SDK1: variants seen among roughly 807,000 people sequenced by gnomAD.
SDK1 encodes protein sidekick-1.
A neutral mutation model predicts 245.5 loss-of-function variants in SDK1; 157 were observed. That is an observed-to-expected ratio of 0.64 (90% CI 0.56 to 0.73). SDK1 has a LOEUF of 0.73. Among genes scored for constraint, SDK1 ranks in the 30% least tolerant of loss-of-function variants. The probability of loss-of-function intolerance (pLI) is 0.00; values close to 1 mark genes in which losing one functional copy is unlikely to be tolerated. For missense variants in SDK1, 3,583 were observed against 3,002.3 expected, an observed-to-expected ratio of 1.19 and a Z score of -4.52; for synonymous variants, 1,647 against 1,278.5, an observed-to-expected ratio of 1.29 and a Z score of -6.15.
intron 5 of SDK1, among the ~76,000 whole-genome samples, chr7:3,847,255 A>G (rs1022808855): frequency 6.6e-6 from 1 of 152,074 alleles, no homozygotes; most frequent in African/African-American, 2.4e-5. Flanking sequence ...CATCGACTTC[A>G]TCAAGTTCAT....
intron 28 of SDK1, among the ~76,000 whole-genome samples, chr7:4,133,428 G>A (rs942507783): frequency 1.3e-5 from 2 of 152,194 alleles, no homozygotes; most frequent in Non-Finnish European, 2.9e-5. Flanking sequence ...CCACAGTCCC[G>A]TAAGGGAGAC....
chr7:3,761,446 C>G (rs779079578), intron 4 of SDK1, among the ~76,000 whole-genome samples: 1 of 150,944 alleles, frequency 6.6e-6, no homozygotes, highest in Non-Finnish European at 1.5e-5. Context: ...CCCAGTTACT[C>G]GGAAGGCTGA....
intron 17 of SDK1, among the ~76,000 whole-genome samples, chr7:4,024,376 G>C (rs935616443): frequency 4.2e-4 from 57 of 135,292 alleles, no homozygotes; most frequent in Non-Finnish European, 4.6e-4. Flanking sequence ...TGTTTCTCAA[G>C]CCCTACAAGA....
At chr7:4,203,946 G>A (rs17134554) in intron 35 of SDK1, among the ~76,000 whole-genome samples, 49,441 of 152,168 alleles carry the variant, frequency 0.32, 8,788 homozygotes, top group African/African-American at 0.47. Context: ...TGCCCAGCTC[G>A]TCTCCACCCC....
At chr7:3,723,831 C>G (rs1778908755) in intron 4 of SDK1, among the ~76,000 whole-genome samples, 1 of 147,032 alleles carries the variant, frequency 6.8e-6, no homozygotes, top group Admixed American at 6.7e-5. Context: ...TATACATATA[C>G]ACGTGTATAT....
At chr7:3,371,079 C>G (rs1220765246) in intron 1 of SDK1, among the ~76,000 whole-genome samples, 2 of 152,100 alleles carry the variant, frequency 1.3e-5, no homozygotes, top group Non-Finnish European at 2.9e-5. Context: ...ACATATGATA[C>G]ATGTGACAGT....
intron 5 of SDK1, among the ~76,000 whole-genome samples, chr7:3,860,576 C>A (rs1780666563): frequency 6.6e-6 from 1 of 152,100 alleles, no homozygotes; most frequent in African/African-American, 2.4e-5. Context: ...TTAATACAGC[C>A]ATTTTTGGGA....
At chr7:3,730,600 T>A (rs971639680) in intron 4 of SDK1, among the ~76,000 whole-genome samples, 1 of 151,996 alleles carries the variant, frequency 6.6e-6, no homozygotes, top group African/African-American at 2.4e-5. Context: ...GAGGATGAGG[T>A]CACAAATGGC....
intron 1 of SDK1, among the ~76,000 whole-genome samples, chr7:3,508,529 T>C (rs957117039): frequency 6.6e-6 from 1 of 152,064 alleles, no homozygotes. Context: ...GGTTTTACCA[T>C]GTTGGCCAGG....
intron 1 of SDK1, among the ~76,000 whole-genome samples, chr7:3,448,602 C>A (rs932038754): frequency 6.6e-6 from 1 of 151,900 alleles, no homozygotes; most frequent in Non-Finnish European, 1.5e-5. Flanking sequence ...ATATAAATAT[C>A]TTTTAATTCA....
At chr7:4,128,805 T>G (rs1354324660) in intron 26 of SDK1, among the ~76,000 whole-genome samples, 1 of 129,714 alleles carries the variant, frequency 7.7e-6, no homozygotes, top group Non-Finnish European at 1.6e-5. Context: ...GGAGAGCACC[T>G]TGGGGTAGGG....
At chr7:4,144,876 C>A (rs956354141) in intron 28 of SDK1, among the ~76,000 whole-genome samples, 2 of 152,170 alleles carry the variant, frequency 1.3e-5, no homozygotes, top group Non-Finnish European at 2.9e-5. Context: ...AGCCACAGCG[C>A]CCCGTCATTT....
intron 1 of SDK1, among the ~76,000 whole-genome samples, chr7:3,455,476 G>A (rs557020621): frequency 6.6e-6 from 1 of 151,602 alleles, no homozygotes; most frequent in East Asian, 1.9e-4. Flanking sequence ...CTTGGGTGGA[G>A]ATTCATTTTT....
rs531826854 is a variant in SDK1, at chr7:3,532,237, T to A, written c.299-86843T>A. ...AGTTTGCTTTTTATTCCCAGTGGCT[T>A]GTGAACCCAAAGTTGTTAGGAATTG... On this transcript the variant is annotated intron_variant, in intron 1 of 44. Coordinates refer to ENST00000404826, the MANE Select transcript of SDK1 (RefSeq NM_152744.4). 2.4e-3 allele frequency among the ~76,000 whole-genome samples: 367 copies of A among 152,344 alleles called. 3 individuals carry two copies. The highest frequency in any genetic ancestry group is 0.018 in the South Asian group (87 of 4,828).
At chr7:3,460,997 C>G (rs1026758235) in intron 1 of SDK1, among the ~76,000 whole-genome samples, 5 of 152,170 alleles carry the variant, frequency 3.3e-5, no homozygotes, top group Non-Finnish European at 7.4e-5. Context: ...GAGGACCATA[C>G]ATATCTGACT....
At chr7:4,151,958 T>A (rs918922596) in intron 30 of SDK1, among the ~76,000 whole-genome samples, 1 of 152,184 alleles carries the variant, frequency 6.6e-6, no homozygotes, top group Non-Finnish European at 1.5e-5. Context: ...CTGCGACGTA[T>A]GAAAACCCAG....
At chr7:4,012,331 C>G (rs1192525692) in intron 16 of SDK1, 96 bp downstream of exon 16, 30 of 1,317,010 alleles carry the variant, frequency 2.3e-5, no homozygotes, top group Non-Finnish European at 2.9e-5. Flanking sequence ...AAGAGCCAAA[C>G]AGGAACCAAA....
At chr7:4,000,715 A>T (rs1562647089) in intron 14 of SDK1, among the ~76,000 whole-genome samples, 1 of 152,232 alleles carries the variant, frequency 6.6e-6, no homozygotes, top group Non-Finnish European at 1.5e-5. Flanking sequence ...TTTGTTCTTC[A>T]TGCTTCAAAT....
chr7:3,997,166 C>T (rs56174446), intron 14 of SDK1, among the ~76,000 whole-genome samples: 1 of 152,100 alleles, frequency 6.6e-6, no homozygotes, highest in Non-Finnish European at 1.5e-5. Flanking sequence ...GTTACGGGAT[C>T]TTTGGAGTGT....
Sources: gnomAD v4.1 joint callset for allele counts (sites outside exome capture counted in the v4.1 genomes callset) on GRCh38, gnomAD v4.1.1 for gene constraint, MANE v1.5 for transcripts, NCBI Gene and HGNC (gene_info 2026-07-23, HGNC 2026-07-21) for gene names.